SNX9: variants seen among roughly 807,000 people sequenced by gnomAD.
SNX9 encodes sorting nexin-9.
In SNX9, 44 loss-of-function variants were observed where a neutral mutation model predicts 89.4. The ratio of observed to expected loss-of-function variants is 0.49; its 90% CI spans 0.39 to 0.63. The LOEUF is 0.63. SNX9 is among the 30% of genes least tolerant of loss of function. The probability of loss-of-function intolerance (pLI) is 0.00; values close to 1 mark genes in which losing one functional copy is unlikely to be tolerated. For missense variants in SNX9, 578 were observed against 736.1 expected (o/e 0.79, Z 2.49); for synonymous variants, 236 against 247.8 (o/e 0.95, Z 0.45).
intron 1 of SNX9, among the ~76,000 whole-genome samples, chr6:157,861,834 A>G (rs757172648): frequency 1.2e-4 from 18 of 152,262 alleles, no homozygotes; most frequent in Non-Finnish European, 2.2e-4. Flanking sequence ...TAGAACAGTT[A>G]TTATAGTATG....
At chr6:157,907,764 A>G (rs1783248790) in intron 7 of SNX9, among the ~76,000 whole-genome samples, 3 of 152,238 alleles carry the variant, frequency 2.0e-5, no homozygotes, top group South Asian at 2.1e-4. Flanking sequence ...CCGCGTCTTC[A>G]GGAGGCCCAG....
rs144088786 is a variant in SNX9 at position 157,901,047 on chromosome 6, C to T, written c.473-851C>T. On this transcript the variant is annotated intron_variant, in intron 5 of 17. Transcript: ENST00000392185. ...CAAGGGTCACTTTCCATTCCCAGAGCTATGAATATCTGCTTTTCTGGGATA... is the reference window on the plus strand; with the variant it reads ...CAAGGGTCACTTTCCATTCCCAGAGTTATGAATATCTGCTTTTCTGGGATA... Among the ~76,000 whole-genome samples the T allele has an allele frequency of 8.5e-5, 13 of 152,292 alleles. 1 individual carries two copies. In the East Asian group the frequency reaches 2.5e-3, roughly 29 times the overall value.
chr6:157,935,639 A>G (rs751786199), intron 13 of SNX9, among the ~76,000 whole-genome samples: 5 of 152,252 alleles, frequency 3.3e-5, no homozygotes, highest in Non-Finnish European at 7.3e-5. Flanking sequence ...GAGAGGCCTC[A>G]TTATAGCCGA....
chr6:157,854,754 G>A (rs62423472), intron 1 of SNX9, among the ~76,000 whole-genome samples: 8,780 of 152,070 alleles, frequency 0.058, 328 homozygotes, highest in Non-Finnish European at 0.092. Context: ...CCTTTTATGT[G>A]GCCTTTAATG....
At chr6:157,858,633 G>A (rs1281802257) in intron 1 of SNX9, among the ~76,000 whole-genome samples, 4 of 152,174 alleles carry the variant, frequency 2.6e-5, no homozygotes, top group South Asian at 2.1e-4. Context: ...TGATGTATTA[G>A]CATGTTCTCA....
At chr6:157,915,285 C>A (rs947012548) in intron 9 of SNX9, among the ~76,000 whole-genome samples, 1 of 151,980 alleles carries the variant, frequency 6.6e-6, no homozygotes, top group Admixed American at 6.6e-5. Context: ...TTTCTTTTGC[C>A]TTTCCTAGTA....
At chr6:157,886,080 G>T (rs1383317670) in intron 4 of SNX9, among the ~76,000 whole-genome samples, 2 of 152,192 alleles carry the variant, frequency 1.3e-5, no homozygotes, top group Non-Finnish European at 2.9e-5. Context: ...CCACGCCACA[G>T]TTGCTGTTCT....
At chr6:157,848,074 A>G (rs1237558382) in intron 1 of SNX9, among the ~76,000 whole-genome samples, 1 of 151,940 alleles carries the variant, frequency 6.6e-6, no homozygotes. Context: ...CTGTAATTGC[A>G]CTCACCACCA....
intron 1 of SNX9, among the ~76,000 whole-genome samples, chr6:157,851,856 T>A (rs1396959049): frequency 6.6e-6 from 1 of 152,248 alleles, no homozygotes; most frequent in African/African-American, 2.4e-5. Context: ...CCCAAAGTGC[T>A]GGGATTACAG....
intron 1 of SNX9, among the ~76,000 whole-genome samples, chr6:157,857,111 A>G (rs1782028329): frequency 1.3e-5 from 2 of 152,296 alleles, no homozygotes; most frequent in East Asian, 1.9e-4. Flanking sequence ...ATGATGACCA[A>G]TTAGTTTTAT....
At chr6:157,883,035 T>G (rs1782658743) in intron 4 of SNX9, among the ~76,000 whole-genome samples, 1 of 152,114 alleles carries the variant, frequency 6.6e-6, no homozygotes, top group South Asian at 2.1e-4. Context: ...GCAGACTTCA[T>G]TGTCTTGTTT....
At position 157,873,071 on chromosome 6, in the gene SNX9, T is replaced by C. The variant is rs1782446893; in HGVS notation, c.100-31T>C. 5 of 1,503,674 alleles carry C rather than the reference T, an allele frequency of 3.3e-6. No individual in the cohort carries two copies. The East Asian group carries it at 1.1e-4, about 34-fold the overall frequency. 93.1% of individuals were successfully genotyped at this position (1,503,674 alleles called of 1,614,324 possible). A position where few individuals can be genotyped will look rare whatever the true frequency, so the allele number is the denominator to read the frequency against. On this transcript the variant is annotated intron_variant, in intron 2 of 17. Coordinates refer to ENST00000392185, the MANE Select transcript of SNX9 (RefSeq NM_016224.5). ...CAGGAAATCTCAACTGTAATCTTTTTCTTTTTTTTTTTTTTTTGGTGACTT... is the reference window on the plus strand; with the variant it reads ...CAGGAAATCTCAACTGTAATCTTTTCCTTTTTTTTTTTTTTTTGGTGACTT...
At chr6:157,936,525 T>A (rs1237919370) in intron 14 of SNX9, among the ~76,000 whole-genome samples, 1 of 152,080 alleles carries the variant, frequency 6.6e-6, no homozygotes, top group Non-Finnish European at 1.5e-5. Flanking sequence ...AAAAAAGACA[T>A]CTAAATGAAT....
rs967407558 is a variant in SNX9, at chr6:157,943,463, C to G, written c.*625C>G. ...TCGTGGTGTGTGGCAGGTGGGCCAT[C>G]CCATGTCCCTCCAGGGGGACCCCAC... On this transcript the variant is annotated 3_prime_UTR_variant, in exon 18 of 18. Coordinates refer to ENST00000392185, the MANE Select transcript of SNX9 (RefSeq NM_016224.5). 5.9e-5 allele frequency: 9 copies of G among 152,368 alleles called. No individual in the cohort carries two copies. The highest frequency in any genetic ancestry group is 2.2e-4 in the African/African-American group (9 of 41,442). 9.4% of individuals were successfully genotyped at this position (152,368 alleles called of 1,614,324 possible).
chr6:157,932,008 A>G (rs1173010140), intron 12 of SNX9, among the ~76,000 whole-genome samples, 187 bp from the exon 13 acceptor site: 3 of 152,248 alleles, frequency 2.0e-5, no homozygotes, highest in African/African-American at 2.4e-5. Flanking sequence ...CATTAGTTGA[A>G]CAGTCAATTA....
intron 7 of SNX9, among the ~76,000 whole-genome samples, chr6:157,908,767 C>T (rs1387103538): frequency 2.6e-5 from 4 of 152,208 alleles, no homozygotes; most frequent in African/African-American, 4.8e-5. Context: ...TCTACACCCC[C>T]ACATAGAATT....
chr6:157,853,335 AAT>A (rs1039483227), intron 1 of SNX9, among the ~76,000 whole-genome samples: 2 of 152,068 alleles, frequency 1.3e-5, no homozygotes, highest in African/African-American at 4.8e-5. Flanking sequence ...TGTATGTAAT[AAT>A]ATATGTTTTT....
intron 1 of SNX9, among the ~76,000 whole-genome samples, chr6:157,833,806 A>G (rs1781519680): frequency 6.6e-6 from 1 of 152,154 alleles, no homozygotes; most frequent in African/African-American, 2.4e-5. Context: ...TGTTTTGTTG[A>G]TGCATCAGAT....
At chr6:157,859,694 T>A (rs981795302) in intron 1 of SNX9, among the ~76,000 whole-genome samples, 3 of 152,126 alleles carry the variant, frequency 2.0e-5, no homozygotes, top group African/African-American at 7.2e-5. Flanking sequence ...TCTTAGTGTG[T>A]GAGATTGAGC....
Sources: allele counts gnomAD v4.1 joint callset (sites outside exome capture counted in the v4.1 genomes callset), GRCh38; gene constraint gnomAD v4.1.1; transcripts MANE v1.5; gene names NCBI Gene and HGNC (gene_info 2026-07-23, HGNC 2026-07-21).